Variants in SORCS1 observed in about 807,000 individuals in gnomAD.
SORCS1 encodes the protein sortilin related VPS10 domain containing receptor 1.
In SORCS1, 60 loss-of-function variants were observed where a neutral mutation model predicts 146.1. That is an observed-to-expected ratio of 0.41 (90% confidence interval 0.33 to 0.51). The LOEUF (loss-of-function observed/expected upper bound fraction) is 0.51, where lower values mean the gene tolerates loss of function less well. Among genes scored for constraint, SORCS1 ranks in the 20% least tolerant of loss-of-function variants. The pLI is 0.21. For synonymous variants in SORCS1, 637 were observed against 584.0 expected, an observed-to-expected ratio of 1.09 and a Z score of -1.31; for missense variants, 1,352 against 1,487.6, an observed-to-expected ratio of 0.91 and a Z score of 1.50.
intron 1 of SORCS1, among the ~76,000 whole-genome samples, chr10:106,991,142 A>G (rs867888206): frequency 4.6e-5 from 7 of 152,210 alleles, no homozygotes; most frequent in Non-Finnish European, 7.3e-5. Context: ...TTTATGTTCC[A>G]TTGCCTTCGA....
chr10:106,796,967 C>A (rs1211361595), intron 3 of SORCS1, among the ~76,000 whole-genome samples: 2 of 152,062 alleles, frequency 1.3e-5, no homozygotes, highest in East Asian at 1.9e-4. Context: ...GTTAGCCGGG[C>A]GTGGTGGCGG....
chr10:106,814,914 CAAAA>C (rs779366731), intron 3 of SORCS1, among the ~76,000 whole-genome samples: 3 of 66,060 alleles, frequency 4.5e-5, no homozygotes, highest in Non-Finnish European at 5.2e-5. Context: ...GACTCCATCT[CAAAA>C]AAAAAAAAAA....
At chr10:107,167,472 C>T (rs1276244382), upstream of SORCS1, among the ~76,000 whole-genome samples, 5 of 152,124 alleles carry the variant, frequency 3.3e-5, no homozygotes, top group Non-Finnish European at 7.3e-5. Flanking sequence ...TCATTGTGCA[C>T]GTGACAAATA....
At chr10:106,789,362 G>T (rs1176135205) in intron 3 of SORCS1, among the ~76,000 whole-genome samples, 1 of 152,136 alleles carries the variant, frequency 6.6e-6, no homozygotes, top group Non-Finnish European at 1.5e-5. Context: ...CAGAAAATGG[G>T]TTTTTCTTTT....
intron 16 of SORCS1, among the ~76,000 whole-genome samples, chr10:106,668,018 T>C (rs1273890623): frequency 6.6e-6 from 1 of 151,748 alleles, no homozygotes; most frequent in Non-Finnish European, 1.5e-5. Flanking sequence ...TTCAGGAAAA[T>C]ATCCTACACA....
At chr10:106,844,840 T>A (rs2137191918) in intron 2 of SORCS1, among the ~76,000 whole-genome samples, 1 of 148,734 alleles carries the variant, frequency 6.7e-6, no homozygotes, top group Admixed American at 6.8e-5. Flanking sequence ...TGTTTGGTTT[T>A]TTGTTCTTGC....
intron 1 of SORCS1, among the ~76,000 whole-genome samples, chr10:107,084,382 C>T (rs1372650642): frequency 2.0e-5 from 3 of 151,820 alleles, no homozygotes; most frequent in African/African-American, 4.8e-5. Context: ...GGATTACCGG[C>T]ATGAGCCGCC....
At chr10:106,864,130 C>T (rs1950138724) in intron 2 of SORCS1, among the ~76,000 whole-genome samples, 1 of 152,172 alleles carries the variant, frequency 6.6e-6, no homozygotes, top group Admixed American at 6.5e-5. Context: ...TCACTAGAAA[C>T]AGGTAGTGTG....
chr10:107,090,771 A>T (rs1447112743), intron 1 of SORCS1, among the ~76,000 whole-genome samples: 1 of 152,204 alleles, frequency 6.6e-6, no homozygotes. Flanking sequence ...TGATAAGCAG[A>T]TTTCTGAAAG....
chr10:106,688,230 C>T lies in SORCS1; in HGVS notation c.1522G>A (p.Asp508Asn). ...ACGGGGTCCCCCCTTAGATCCGTGTCCGGCGCCTGCAGCAAACGCCAGTCT... is the reference window on the plus strand; with the variant it reads ...ACGGGGTCCCCCCTTAGATCCGTGTTCGGCGCCTGCAGCAAACGCCAGTCT... ...GRDWRLLQAP[D>N]TDLRGDPVHC... The change falls in exon 10 of 26, where the codon GAC (aspartate) becomes AAC (asparagine). Residue 508 changes from aspartate (D) to asparagine (N), a missense_variant. Transcript: ENST00000263054. 1 of 1,614,058 alleles carries T rather than the reference C, an allele frequency of 6.2e-7. No individual in the cohort carries two copies. The highest frequency in any genetic ancestry group is 8.5e-7 in the Non-Finnish European group (1 of 1,179,936).
At chr10:106,802,566 T>C (rs1025780242) in intron 3 of SORCS1, among the ~76,000 whole-genome samples, 3 of 151,952 alleles carry the variant, frequency 2.0e-5, no homozygotes, top group African/African-American at 7.2e-5. Context: ...TGGCATGATA[T>C]TGGCACACTG....
intron 4 of SORCS1, among the ~76,000 whole-genome samples, chr10:106,770,468 T>C (rs1305575749): frequency 1.5e-5 from 2 of 137,288 alleles, no homozygotes; most frequent in African/African-American, 2.8e-5. Context: ...ATGTACTTTT[T>C]TCAAAAAATC....
chr10:107,060,013 C>T lies in SORCS1; in HGVS notation c.559-103433G>A, dbSNP rs1961027436. ...TATGAGGGTCAAAGAATGCTTCTGA[C>T]AGATGACACAGTGGTCTTTAATCTA... is the stretch of plus-strand genomic sequence containing the variant. On this transcript the variant is annotated intron_variant, in intron 1 of 25. Coordinates refer to ENST00000263054, the MANE Select transcript of SORCS1 (RefSeq NM_052918.5). The surrounding 1 kb of genome is among the most constrained non-coding windows in gnomAD (Gnocchi z 4.1). Among the ~76,000 whole-genome samples, 1 of 152,064 alleles carries T rather than the reference C, an allele frequency of 6.6e-6. No individual in the cohort carries two copies. The highest frequency in any genetic ancestry group is 1.5e-5 in the Non-Finnish European group (1 of 68,014).
At chr10:106,688,404 A>G in intron 9 of SORCS1, 66 bp from the exon 10 acceptor site, 1 of 1,554,890 alleles carries the variant, frequency 6.4e-7, no homozygotes. Context: ...TTTACTTTTT[A>G]AAAAAAGAAG....
intron 14 of SORCS1, among the ~76,000 whole-genome samples, chr10:106,674,651 C>T (rs1851892196): frequency 6.6e-6 from 1 of 152,090 alleles, no homozygotes; most frequent in African/African-American, 2.4e-5. Context: ...TAATATGCCT[C>T]ACAATTGGGT....
intron 2 of SORCS1, among the ~76,000 whole-genome samples, chr10:106,899,703 C>T (rs1366885761): frequency 6.8e-6 from 1 of 146,988 alleles, no homozygotes; most frequent in East Asian, 2.1e-4. Flanking sequence ...CCTCGAAGAT[C>T]TTTCTGTGTA....
At chr10:106,928,097 G>A (rs373632455) in intron 2 of SORCS1, among the ~76,000 whole-genome samples, 4 of 152,360 alleles carry the variant, frequency 2.6e-5, no homozygotes, top group African/African-American at 9.6e-5. Context: ...GTCCCGCGCC[G>A]TGCACCCGCA....
At chr10:107,137,987 C>T (rs1001335622) in intron 1 of SORCS1, among the ~76,000 whole-genome samples, 5 of 152,018 alleles carry the variant, frequency 3.3e-5, no homozygotes, top group South Asian at 4.1e-4. Context: ...ACACCTATTA[C>T]GTTCCTGAAA....
intron 10 of SORCS1, among the ~76,000 whole-genome samples, chr10:106,685,393 A>G (rs1333014540): frequency 6.6e-6 from 1 of 152,182 alleles, no homozygotes; most frequent in African/African-American, 2.4e-5. Context: ...ACACTTCAGC[A>G]GGCAAGATGG....
Sources: gnomAD v4.1 joint callset for allele counts (sites outside exome capture counted in the v4.1 genomes callset) on GRCh38, gnomAD v4.1.1 for gene constraint, Gnocchi (gnomAD v3.1) non-coding constraint, MANE v1.5 for transcripts, NCBI Gene and HGNC (gene_info 2026-07-23, HGNC 2026-07-21) for gene names.